Variants in TES observed in about 807,000 individuals in gnomAD.
TES encodes the protein testin LIM domain protein, also known as testin.
TES carries 41 observed loss-of-function variants against 48.2 expected under a neutral mutation model. That is an observed-to-expected ratio of 0.85 (90% CI 0.66 to 1.10). TES has a LOEUF of 1.10. TES is among the 50% of genes least tolerant of loss of function. The pLI, the probability that TES is intolerant of heterozygous loss-of-function variation, is 0.00. For missense variants in TES, 463 were observed against 515.1 expected (o/e 0.90, Z 0.98); for synonymous variants, 162 against 174.9 (o/e 0.93, Z 0.58).
chr7:116,222,922 T>C (rs1799573546), intron 1 of TES: 1 of 964,454 alleles, frequency 1.0e-6, no homozygotes, highest in African/African-American at 1.8e-5. Flanking sequence ...CATTGCTTAT[T>C]ATAATAATTG....
chr7:116,247,130 A>G (rs1799937680), intron 2 of TES, among the ~76,000 whole-genome samples: 1 of 152,026 alleles, frequency 6.6e-6, no homozygotes, highest in African/African-American at 2.4e-5. Context: ...GTAGGTGGCA[A>G]TAAGTGTTTG....
intron 2 of TES, among the ~76,000 whole-genome samples, chr7:116,235,704 A>G (rs1314385653): frequency 6.6e-6 from 1 of 152,234 alleles, no homozygotes; most frequent in Admixed American, 6.5e-5. Flanking sequence ...ATAACTATAC[A>G]GTTTTAGGAT....
chr7:116,214,413 A>G (rs563495622), intron 1 of TES, among the ~76,000 whole-genome samples: 3 of 152,160 alleles, frequency 2.0e-5, no homozygotes, highest in East Asian at 1.9e-4. Flanking sequence ...CAAATCTACA[A>G]TTGCATTCCA....
At chr7:116,254,111 A>G (rs1007679967) in intron 6 of TES, among the ~76,000 whole-genome samples, 14 of 152,178 alleles carry the variant, frequency 9.2e-5, no homozygotes, top group Non-Finnish European at 1.5e-4. Flanking sequence ...AACTGCTTCA[A>G]TGAATATTGT....
At chr7:116,222,220 T>C (rs761138390) in intron 1 of TES, among the ~76,000 whole-genome samples, 1 of 152,188 alleles carries the variant, frequency 6.6e-6, no homozygotes, top group Admixed American at 6.5e-5. Flanking sequence ...TAAGACTTTG[T>C]TTTTGTTCTA....
intron 2 of TES, among the ~76,000 whole-genome samples, chr7:116,236,210 G>T (rs1176385979): frequency 6.6e-6 from 1 of 152,108 alleles, no homozygotes; most frequent in Non-Finnish European, 1.5e-5. Flanking sequence ...ACAGAAGGCT[G>T]CACTGCCCTC....
intron 2 of TES, among the ~76,000 whole-genome samples, chr7:116,235,578 T>G (rs116584550): frequency 7.3e-4 from 111 of 152,344 alleles, no homozygotes; most frequent in African/African-American, 2.6e-3. Context: ...TACTACTGCA[T>G]ATCATATAAA....
At chr7:116,239,598 C>T (rs1263975406) in intron 2 of TES, among the ~76,000 whole-genome samples, 2 of 152,266 alleles carry the variant, frequency 1.3e-5, no homozygotes, top group Non-Finnish European at 2.9e-5. Flanking sequence ...ACATTTTTCA[C>T]TCTCAGGGCC....
chr7:116,219,261 T>C (rs1161086875), intron 1 of TES, among the ~76,000 whole-genome samples: 1 of 152,178 alleles, frequency 6.6e-6, no homozygotes, highest in Non-Finnish European at 1.5e-5. Flanking sequence ...CAGTTTTGTC[T>C]CTTCTAAAAT....
At chr7:116,213,566 G>A (rs1014472488) in intron 1 of TES, among the ~76,000 whole-genome samples, 2 of 152,156 alleles carry the variant, frequency 1.3e-5, no homozygotes, top group African/African-American at 4.8e-5. Context: ...AGGAAAGCTC[G>A]TCCACATCAG....
chr7:116,251,639 C>T lies in TES; in HGVS notation c.703-121C>T, dbSNP rs1018155230. 3.4e-6 allele frequency: 3 copies of T among 888,100 alleles called. No homozygotes were observed. In the African/African-American group the frequency reaches 5.1e-5, roughly 15 times the overall value. The allele number at this position is 888,100 out of a possible 1,614,324, so 55.0% of individuals were successfully genotyped here. On this transcript the variant is annotated intron_variant, in intron 4 of 6. Transcript: ENST00000358204. Reference sequence around the variant, plus strand: ...CGGAGCTTGCAATGAGCCGAGATAGCACCACTGGACTCCAGCCTGGGCGAC... The same window carrying T: ...CGGAGCTTGCAATGAGCCGAGATAGTACCACTGGACTCCAGCCTGGGCGAC...
chr7:116,254,956 G>T (rs4730719), intron 6 of TES, among the ~76,000 whole-genome samples: 49,419 of 151,476 alleles, frequency 0.33, 8,391 homozygotes, highest in East Asian at 0.58. Flanking sequence ...TTTGGAGAAG[G>T]TTATCTAGTT....
intron 1 of TES, among the ~76,000 whole-genome samples, chr7:116,229,214 G>A (rs1799666270): frequency 6.6e-6 from 1 of 151,696 alleles, no homozygotes; most frequent in African/African-American, 2.4e-5. Context: ...CGCACCCTGG[G>A]CATCATTAAA....
chr7:116,250,473 G>A lies in TES; in HGVS notation c.679G>A (p.Ala227Thr), dbSNP rs759160369. ...AGTGGGGGCCATGGAGGACAAATCT[G>A]CTGAGCACAAAAGAACTCAATATGT... ...AAVGAMEDKSAEHKRTQYSCY... is the reference protein window; with the variant it reads ...AAVGAMEDKSTEHKRTQYSCY... The change falls in exon 4 of 7, where the codon GCT becomes ACT. Residue 227 changes from alanine (A) to threonine (T), a missense_variant. Transcript: ENST00000358204. 1.9e-6 allele frequency: 3 copies of A among 1,562,092 alleles called. No homozygotes were observed. Among genetic ancestry groups the A allele is most frequent in the Admixed American group, 3.9e-5 (2 of 51,752 alleles).
At chr7:116,211,090 G>A (rs987364165) in intron 1 of TES, 2 of 200,432 alleles carry the variant, frequency 1.0e-5, no homozygotes, top group African/African-American at 4.6e-5. Context: ...CTTAGGGCGA[G>A]TGCGGGCGAG....
At chr7:116,236,044 T>TC (rs528656220) in intron 2 of TES, among the ~76,000 whole-genome samples, 96 of 152,310 alleles carry the variant, frequency 6.3e-4, no homozygotes, top group African/African-American at 2.0e-3. Context: ...TAAGCAGCTC[T>TC]CCCTTGTGCT....
chr7:116,217,044 G>A (rs751890968), intron 1 of TES, among the ~76,000 whole-genome samples: 6 of 152,130 alleles, frequency 3.9e-5, no homozygotes, highest in African/African-American at 7.2e-5. Flanking sequence ...CTGAACTTAA[G>A]CTTGTATCAT....
At chr7:116,237,690 T>C (rs910653493) in intron 2 of TES, among the ~76,000 whole-genome samples, 3 of 152,168 alleles carry the variant, frequency 2.0e-5, no homozygotes, top group African/African-American at 7.2e-5. Flanking sequence ...TACCTGGTAG[T>C]TTAAACAGAA....
chr7:116,237,686 G>A (rs1022878037), intron 2 of TES, among the ~76,000 whole-genome samples: 1 of 152,118 alleles, frequency 6.6e-6, no homozygotes, highest in Non-Finnish European at 1.5e-5. Context: ...CACATACCTG[G>A]TAGTTTAAAC....
Sources: allele counts gnomAD v4.1 joint callset (sites outside exome capture counted in the v4.1 genomes callset), GRCh38; gene constraint gnomAD v4.1.1; transcripts MANE v1.5; gene names NCBI Gene and HGNC (gene_info 2026-07-23, HGNC 2026-07-21).